The following WRAP53 variants were observed in gnomAD, a reference collection of about 807,000 sequenced individuals.
WRAP53 encodes the protein telomerase Cajal body protein 1.
WRAP53 carries 28 observed loss-of-function variants against 56.6 expected under a neutral mutation model. The observed-to-expected ratio is 0.50, with a 90% confidence interval of 0.37 to 0.68. The LOEUF (loss-of-function observed/expected upper bound fraction) is 0.68. WRAP53 is among the 30% of genes least tolerant of loss of function. WRAP53 has a pLI of 0.00. For synonymous variants in WRAP53, 283 were observed against 283.4 expected (o/e 1.00, Z 0.01); for missense variants, 671 against 715.5 (o/e 0.94, Z 0.71).
intron 4 of WRAP53, among the ~76,000 whole-genome samples, chr17:7,699,539 T>C (rs2074247289): frequency 1.2e-5 from 1 of 81,516 alleles, no homozygotes; most frequent in Non-Finnish European, 2.3e-5. Flanking sequence ...TATATATATA[T>C]TCCTAAGGAA....
At chr17:7,699,486 A>ATATATATATATT (rs2074237630) in intron 4 of WRAP53, among the ~76,000 whole-genome samples, 1 of 14,448 alleles carries the variant, frequency 6.9e-5, no homozygotes, top group Non-Finnish European at 1.2e-4. Flanking sequence ...TTATATATAT[A>ATATATATATATT]TATATATATA....
rs1393188386 is a variant in WRAP53, at chr17:7,701,443, T to TC, written c.732-14dup. On this transcript the variant is annotated splice_polypyrimidine_tract_variant and intron_variant, in intron 5 of 10. Transcript: ENST00000396463. The surrounding 1 kb of genome is among the most constrained non-coding windows in gnomAD (Gnocchi z 4.2). ...CTTTGACAGCACCGGGGTTTCAGTG[T>TC]CCATGTCTCTCTCAGCGTGGCCAGC... is the stretch of plus-strand genomic sequence containing the variant. 5.0e-6 allele frequency: 8 copies of TC among 1,613,966 alleles called. No individual in the cohort carries two copies. The highest frequency in any genetic ancestry group is 6.8e-6 in the Non-Finnish European group (8 of 1,179,938).
intron 4 of WRAP53, 34 bp from the exon 5 acceptor site, chr17:7,700,707 C>T (rs760316057): frequency 1.1e-4 from 173 of 1,534,850 alleles, no homozygotes; most frequent in Non-Finnish European, 1.5e-4. Context: ...CTTTTCCCTC[C>T]GAGTGACTCA....
chr17:7,700,601 A>T, intron 4 of WRAP53, 140 bp from the exon 5 acceptor site: 1 of 736,080 alleles, frequency 1.4e-6, no homozygotes, highest in Non-Finnish European at 2.5e-6. Flanking sequence ...TTTGACATTA[A>T]AGTCTGAGCT....
In WRAP53 at chr17:7,689,074, A is replaced by G. The variant is rs759877669; in HGVS notation, c.426A>G (p.Gly142=). 1.9e-6 allele frequency: 3 copies of G among 1,614,100 alleles called. No homozygotes were observed. Among genetic ancestry groups the G allele is most frequent in the Non-Finnish European group, 2.5e-6 (3 of 1,179,990 alleles). The part of the protein sequence containing the change: ...TSGEPAAEDE[G]DTAWNYSFSQ... ...GGGAACCCGCTGCAGAGGACGAGGG[A>G]GACACGTAAGTGGTGATGGCAGTGG... is the stretch of plus-strand genomic sequence containing the variant. The change falls in exon 2 of 11, where the codon GGA becomes GGG. Residue 142 remains glycine, a synonymous_variant. Transcript: ENST00000396463.
intron 4 of WRAP53, among the ~76,000 whole-genome samples, chr17:7,692,746 CTTTTTTTTTTT>C (rs1177019881): frequency 2.0e-5 from 2 of 98,066 alleles, no homozygotes; most frequent in East Asian, 2.7e-4. Flanking sequence ...GGTCATTCTC[CTTTTTTTTTTT>C]TTTTTTTTTT....
At chr17:7,699,458 T>TTATATATATATATATATTTATA (rs1459819288) in intron 4 of WRAP53, among the ~76,000 whole-genome samples, 3 of 39,878 alleles carry the variant, frequency 7.5e-5, no homozygotes, top group African/African-American at 1.9e-4. Flanking sequence ...ATATATATAT[T>TTATATATATATATATATTTATA]TATATATATA....
Position 7,689,601 on chromosome 17 carries a change from G to A in WRAP53, c.542G>A (p.Gly181Asp). Reference protein sequence around the residue: ...FLKGCKWAPDGSCILTNSADN... With the variant: ...FLKGCKWAPDDSCILTNSADN... ...TCCCCTGTTTCTAGGGCTCCTGACG[G>A]TTCCTGCATCTTGACCAATAGTGCT... is the stretch of plus-strand genomic sequence containing the variant. Residue 181 changes from glycine (G) to aspartate (D), a missense_variant, in exon 4 of 11, where the codon GGT becomes GAT. Physicochemically the swap from Gly to Asp is moderately conservative, Grantham distance 94. This residue lies in a region of WRAP53 where 406 missense variants were observed against 418.5 expected (regional missense o/e 0.97). Transcript: ENST00000396463. 6.2e-7 allele frequency: 1 copy of A among 1,614,130 alleles called. No homozygotes were observed. The highest frequency in any genetic ancestry group is 8.5e-7 in the Non-Finnish European group (1 of 1,180,014).
rs1246530347 is a variant in WRAP53 at position 7,689,056 on chromosome 17, C to G, written c.408C>G (p.Pro136=). 6.2e-7 allele frequency: 1 copy of G among 1,614,082 alleles called. No individual in the cohort carries two copies. Among genetic ancestry groups the G allele is most frequent in the Non-Finnish European group, 8.5e-7 (1 of 1,180,012 alleles). Residue 136 remains proline (P), a synonymous_variant, in exon 2 of 11, where the codon CCC becomes CCG. Transcript: ENST00000396463. ...CCATGGAAGATACCTCTGGGGAACC[C>G]GCTGCAGAGGACGAGGGAGACACGT... ...GKAMEDTSGE[P]AAEDEGDTAW...
In WRAP53 at chr17:7,701,627, G is replaced by T. The variant is rs1419641613; in HGVS notation, c.823-30G>T. 5 of 1,614,116 alleles carry T rather than the reference G, an allele frequency of 3.1e-6. No individual in the cohort carries two copies. The highest frequency in any genetic ancestry group is 3.4e-6 in the Non-Finnish European group (4 of 1,180,044). ...CTTGAGGGCAGCTGAGGCTTTGCAA[G>T]ACCTGTTTTCAGCCCTTTCCTTCCC... On this transcript the variant is annotated intron_variant, in intron 6 of 10. Transcript: ENST00000396463. This position sits in a 1 kb window ranked among gnomAD's most constrained non-coding sequence, Gnocchi z 4.2.
chr17:7,688,772 C>G lies in WRAP53; in HGVS notation c.124C>G (p.Pro42Ala). The change falls in exon 2 of 11, where the codon CCA becomes GCA. Residue 42 changes from proline (P) to alanine (A), a missense_variant. By Grantham distance (27) the Pro-to-Ala change is conservative. Coordinates refer to ENST00000396463, the MANE Select transcript of WRAP53 (RefSeq NM_001143992.2). ...MNKNADSELM[P>A]PPPERGDPPR... ...TAAAAATGCGGACTCTGAACTGATG[C>G]CACCGCCTCCCGAAAGGGGGGATCC... 1 of 1,614,170 alleles carries G rather than the reference C, an allele frequency of 6.2e-7. No homozygotes were observed. The highest frequency in any genetic ancestry group is 8.5e-7 in the Non-Finnish European group (1 of 1,180,026).
chr17:7,703,495 T>C lies in WRAP53; in HGVS notation c.*9T>C. ...TGGGTGAGCTGATATAAAAAGGTTT[T>C]TATGATACTAGAGTCTTCGTGTCTG... is the stretch of plus-strand genomic sequence containing the variant. On this transcript the variant is annotated 3_prime_UTR_variant, in exon 11 of 11. Transcript: ENST00000396463. 6.3e-7 allele frequency: 1 copy of C among 1,581,650 alleles called. No individual in the cohort carries two copies. Among genetic ancestry groups the C allele is most frequent in the Non-Finnish European group, 8.6e-7 (1 of 1,162,802 alleles).
chr17:7,702,746 G>A lies in WRAP53; in HGVS notation c.1168G>A (p.Ala390Thr), dbSNP rs2151097173. 6.2e-7 allele frequency: 1 copy of A among 1,613,498 alleles called. No individual in the cohort carries two copies. Among genetic ancestry groups the A allele is most frequent in the Non-Finnish European group, 8.5e-7 (1 of 1,179,986 alleles). ...NRFFSGARKD[A>T]ELLCWDLRQS... The stretch of plus-strand genomic sequence containing the variant: ...AGGTCCTGTTCCTTGTCTCCAGGAT[G>A]CTGAGCTCCTGTGCTGGGATCTCCG... Residue 390 changes from alanine (A) to threonine (T), a missense_variant, in exon 9 of 11, where the codon GCT (alanine) becomes ACT (threonine). Ala to Thr is a moderately conservative substitution (Grantham distance 58). Coordinates refer to ENST00000396463, the MANE Select transcript of WRAP53 (RefSeq NM_001143992.2). This position sits in a 1 kb window ranked among gnomAD's most constrained non-coding sequence, Gnocchi z 5.0.
intron 4 of WRAP53, among the ~76,000 whole-genome samples, chr17:7,691,087 T>G (rs1393280491): frequency 6.6e-6 from 1 of 152,006 alleles, no homozygotes; most frequent in Non-Finnish European, 1.5e-5. Context: ...TGGGTGCCTG[T>G]AATCCCAGCT....
upstream of WRAP53, chr17:7,687,266 T>G (rs1462129762): frequency 7.5e-6 from 3 of 398,186 alleles, no homozygotes; most frequent in African/African-American, 4.1e-5. Context: ...CCAAACTCGC[T>G]AAGTCCCCAC....
chr17:7,689,597 G>T lies in WRAP53; in HGVS notation c.538G>T (p.Asp180Tyr). 1 of 1,614,070 alleles carries T rather than the reference G, an allele frequency of 6.2e-7. No homozygotes were observed. The highest frequency in any genetic ancestry group is 1.1e-5 in the South Asian group (1 of 91,068). The change falls in exon 4 of 11, where the codon GAC becomes TAC. Residue 180 changes from aspartate (D) to tyrosine (Y), a missense_variant. Physicochemically the swap from Asp to Tyr is radical, Grantham distance 160. Coordinates refer to ENST00000396463, the MANE Select transcript of WRAP53 (RefSeq NM_001143992.2). ...ACTCTCCCCTGTTTCTAGGGCTCCT[G>T]ACGGTTCCTGCATCTTGACCAATAG... ...NFLKGCKWAP[D>Y]GSCILTNSAD...
intron 4 of WRAP53, among the ~76,000 whole-genome samples, chr17:7,690,305 T>A (rs1250303808): frequency 6.6e-6 from 1 of 152,104 alleles, no homozygotes; most frequent in Non-Finnish European, 1.5e-5. Context: ...TGGGATAAAG[T>A]GGTGGACAAG....
chr17:7,695,434 G>A (rs1597412283), intron 4 of WRAP53, among the ~76,000 whole-genome samples: 2 of 152,004 alleles, frequency 1.3e-5, no homozygotes, highest in African/African-American at 2.4e-5. Flanking sequence ...CGTCTTTCCT[G>A]AGTACTTGCC....
Position 7,688,668 on chromosome 17 carries a change from A to C in WRAP53, c.20A>C (p.Gln7Pro). ...TGCAGTATGAAGACTTTGGAGACTC[A>C]ACCGTTAGCTCCGGACTGCTGTCCT... MKTLET[Q>P]PLAPDCCPSD... Residue 7 changes from glutamine (Q) to proline (P), a missense_variant, in exon 2 of 11, where the codon CAA becomes CCA. Transcript: ENST00000396463. The C allele has an allele frequency of 3.7e-6, 6 of 1,614,198 alleles. No homozygotes were observed. Among genetic ancestry groups the C allele is most frequent in the Non-Finnish European group, 5.1e-6 (6 of 1,180,028 alleles).
Sources: gnomAD v4.1 joint callset for allele counts (sites outside exome capture counted in the v4.1 genomes callset) on GRCh38, gnomAD v4.1.1 for gene constraint, gnomAD v4.1.1 regional missense constraint, Gnocchi (gnomAD v3.1) non-coding constraint, MANE v1.5 for transcripts, NCBI Gene and HGNC (gene_info 2026-07-23, HGNC 2026-07-21) for gene names.